Variants in ABCG1 observed in about 807,000 individuals in gnomAD.
ABCG1 encodes ATP-binding cassette sub-family G member 1.
ABCG1 carries 29 observed loss-of-function variants against 69.2 expected under a neutral mutation model. The ratio of observed to expected loss-of-function variants is 0.42; its 90% confidence interval spans 0.31 to 0.57. The LOEUF (loss-of-function observed/expected upper bound fraction) is 0.57, where lower values mean the gene tolerates loss of function less well. Among genes scored for constraint, ABCG1 ranks in the 20% least tolerant of loss-of-function variants. The pLI, the probability that ABCG1 is intolerant of heterozygous loss-of-function variation, is 0.15. For missense variants in ABCG1, 718 were observed against 898.1 expected, an observed-to-expected ratio of 0.80 and a Z score of 2.56; for synonymous variants, 370 against 374.8, an observed-to-expected ratio of 0.99 and a Z score of 0.15.
At chr21:42,202,400 A>G (rs1008676014) in intron 2 of ABCG1, among the ~76,000 whole-genome samples, 1 of 152,194 alleles carries the variant, frequency 6.6e-6, no homozygotes, top group African/African-American at 2.4e-5. Context: ...TTTCTACACA[A>G]CAATTCAGCA....
intron 2 of ABCG1, among the ~76,000 whole-genome samples, chr21:42,261,789 T>C (rs1262729157): frequency 1.3e-5 from 2 of 152,354 alleles, no homozygotes; most frequent in East Asian, 3.9e-4. Context: ...TTTATGTTTA[T>C]GGCGTACTTA....
chr21:42,284,708 G>A lies in ABCG1; in HGVS notation c.858+25G>A, dbSNP rs199718132. The A allele has an allele frequency of 1.1e-4, 183 of 1,609,000 alleles. 1 individual carries two copies. The Middle Eastern group carries it at 1.3e-3, about 12-fold the overall frequency. ...GGTACGCGGGCCCCGGGCCCTCCCC[G>A]CCAGATTACCACTGCACTCAGGTCA... is the stretch of plus-strand genomic sequence containing the variant. On this transcript the variant is annotated intron_variant, in intron 7 of 14. Coordinates refer to ENST00000398449, the MANE Select transcript of ABCG1 (RefSeq NM_016818.3).
At chr21:42,247,211 T>A (rs1277463437) in intron 2 of ABCG1, among the ~76,000 whole-genome samples, 3 of 152,244 alleles carry the variant, frequency 2.0e-5, no homozygotes, top group African/African-American at 7.2e-5. Flanking sequence ...CAAACTTTTA[T>A]TATCTGTTAT....
chr21:42,281,739 A>G (rs1569235000), intron 5 of ABCG1, among the ~76,000 whole-genome samples: 1 of 152,028 alleles, frequency 6.6e-6, no homozygotes, highest in Non-Finnish European at 1.5e-5. Flanking sequence ...TACCTCAGCG[A>G]TGACAAGAGT....
chr21:42,230,364 C>A (rs554700611), intron 2 of ABCG1, among the ~76,000 whole-genome samples: 15 of 152,226 alleles, frequency 9.9e-5, no homozygotes, highest in Non-Finnish European at 1.6e-4. Context: ...TAATTACTCT[C>A]CCTCAAGGAA....
Position 42,273,206 on chromosome 21 carries a change from G to T in ABCG1, c.405-97G>T. Reference sequence around the variant, plus strand: ...AGTGGTTCAGCTGGGAAGATGCTGGGAGGCAAGCCCCCGTCTCTGGCTCCC... The same window carrying T: ...AGTGGTTCAGCTGGGAAGATGCTGGTAGGCAAGCCCCCGTCTCTGGCTCCC... On this transcript the variant is annotated intron_variant, in intron 3 of 14. Transcript: ENST00000398449. The surrounding 1 kb of genome is among the most constrained non-coding windows in gnomAD (Gnocchi z 5.3). 6.7e-7 allele frequency: 1 copy of T among 1,499,156 alleles called. No individual in the cohort carries two copies. The highest frequency in any genetic ancestry group is 8.9e-7 in the Non-Finnish European group (1 of 1,121,582). 92.9% of individuals were successfully genotyped at this position (1,499,156 alleles called of 1,614,324 possible).
rs982760212 is a variant in ABCG1 at position 42,288,450 on chromosome 21, G to A, written c.1224+138G>A. The A allele has an allele frequency of 2.9e-6, 2 of 688,710 alleles. No homozygotes were observed. The highest frequency in any genetic ancestry group is 4.9e-6 in the Non-Finnish European group (2 of 407,438). The allele number at this position is 688,710 out of a possible 1,614,324, so 42.7% of individuals were successfully genotyped here. A position where few individuals can be genotyped will look rare whatever the true frequency, so the allele number is the denominator to read the frequency against. ...AGGCCAGGCATGGTGACTCATGTCT[G>A]TAACCCCAGCACTTTGGGAGGCCAA... is the stretch of plus-strand genomic sequence containing the variant. On this transcript the variant is annotated intron_variant, in intron 10 of 14. Transcript: ENST00000398449. This position sits in a 1 kb window ranked among gnomAD's most constrained non-coding sequence, Gnocchi z 4.8.
intron 2 of ABCG1, among the ~76,000 whole-genome samples, chr21:42,243,449 T>C (rs776399489): frequency 0.025 from 1,422 of 55,996 alleles, 6 homozygotes; most frequent in South Asian, 0.048. Flanking sequence ...TGTGTGCGCG[T>C]GTGTGTGTGT....
intron 1 of ABCG1, chr21:42,221,163 A>G (rs1321089933): frequency 6.6e-6 from 1 of 152,122 alleles, no homozygotes; most frequent in Admixed American, 6.5e-5. Context: ...AAGTTTAAAC[A>G]TTTCTATTCA....
chr21:42,255,333 C>T (rs988243131), intron 2 of ABCG1, among the ~76,000 whole-genome samples: 1 of 152,088 alleles, frequency 6.6e-6, no homozygotes, highest in Non-Finnish European at 1.5e-5. Context: ...TGTCTGTGCA[C>T]GCATGATTGT....
At chr21:42,290,301 C>A in intron 11 of ABCG1, 83 bp downstream of exon 11, 1 of 1,448,386 alleles carries the variant, frequency 6.9e-7, no homozygotes, top group Non-Finnish European at 9.4e-7. Flanking sequence ...CCTTGACCAA[C>A]AGATGAGTTT....
chr21:42,280,795 G>C (rs1374239482), intron 5 of ABCG1, among the ~76,000 whole-genome samples: 1 of 152,228 alleles, frequency 6.6e-6, no homozygotes, highest in Non-Finnish European at 1.5e-5. Flanking sequence ...CCACTCAGTC[G>C]GCCAAGAGCG....
intron 1 of ABCG1, among the ~76,000 whole-genome samples, chr21:42,220,853 A>G (rs2067714644): frequency 6.6e-6 from 1 of 152,268 alleles, no homozygotes; most frequent in Admixed American, 6.5e-5. Flanking sequence ...AGGTAGAGAA[A>G]GTTATAGATC....
chr21:42,234,124 G>A (rs1231277036), intron 2 of ABCG1, among the ~76,000 whole-genome samples: 2 of 152,172 alleles, frequency 1.3e-5, no homozygotes, highest in African/African-American at 4.8e-5. Context: ...CCTTTGGGGA[G>A]CAGCATGGGA....
rs2069202690 is a variant in ABCG1 at position 42,296,079 on chromosome 21, A to G, written c.1773-85A>G. 3 of 1,164,350 alleles carry G rather than the reference A, an allele frequency of 2.6e-6. No individual in the cohort carries two copies. The highest frequency in any genetic ancestry group is 1.5e-5 in the African/African-American group (1 of 66,174). 72.1% of individuals were successfully genotyped at this position (1,164,350 alleles called of 1,614,324 possible). On this transcript the variant is annotated intron_variant, in intron 14 of 14. Transcript: ENST00000398449. The surrounding 1 kb of genome is among the most constrained non-coding windows in gnomAD (Gnocchi z 5.4). ...GGAGGATAGCCAAGCTGGGAATCGC[A>G]GGGAGGGTGAACGACATTGACCTTC... is the stretch of plus-strand genomic sequence containing the variant.
At chr21:42,229,982 C>T (rs2067877561) in intron 2 of ABCG1, among the ~76,000 whole-genome samples, 1 of 152,192 alleles carries the variant, frequency 6.6e-6, no homozygotes, top group Non-Finnish European at 1.5e-5. Flanking sequence ...ATACAACGCC[C>T]TAGCAAAGCT....
intron 2 of ABCG1, chr21:42,256,244 C>A (rs2068301706): frequency 1.4e-6 from 2 of 1,473,606 alleles, no homozygotes; most frequent in Non-Finnish European, 1.8e-6. Context: ...GCTAGCAGTG[C>A]AACAGACAGA....
chr21:42,263,093 C>T (rs1364497420), intron 2 of ABCG1, among the ~76,000 whole-genome samples: 1 of 152,238 alleles, frequency 6.6e-6, no homozygotes, highest in African/African-American at 2.4e-5. Flanking sequence ...TTGCAAAGCA[C>T]TGTTAGCTAA....
chr21:42,226,716 G>A (rs59330232), intron 2 of ABCG1, among the ~76,000 whole-genome samples: 5,033 of 152,180 alleles, frequency 0.033, 289 homozygotes, highest in African/African-American at 0.11. Context: ...CTCCTAAGTG[G>A]ATCAGACAGG....
Sources: gnomAD v4.1 joint callset for allele counts (sites outside exome capture counted in the v4.1 genomes callset) on GRCh38, gnomAD v4.1.1 for gene constraint, Gnocchi (gnomAD v3.1) non-coding constraint, MANE v1.5 for transcripts, NCBI Gene and HGNC (gene_info 2026-07-23, HGNC 2026-07-21) for gene names.